Variants in PCSK9 observed in about 807,000 individuals in gnomAD.
PCSK9 encodes the protein convertase subtilisin/kexin type 9 preproprotein.
A neutral mutation model predicts 62.1 loss-of-function variants in PCSK9; 57 were observed. The ratio of observed to expected loss-of-function variants is 0.92; its 90% CI spans 0.74 to 1.14. The LOEUF (loss-of-function observed/expected upper bound fraction) is 1.14, where lower values mean the gene tolerates loss of function less well. PCSK9 is among the 50% of genes most tolerant of loss of function. The pLI, the probability that PCSK9 is intolerant of heterozygous loss-of-function variation, is 0.00. For missense variants in PCSK9, 870 were observed against 959.8 expected (o/e 0.91, Z 1.24); for synonymous variants, 387 against 409.4 (o/e 0.95, Z 0.66).
chr1:55,057,625 G>A, intron 7 of PCSK9, 111 bp downstream of exon 7: 1 of 1,311,114 alleles, frequency 7.6e-7, no homozygotes, highest in Non-Finnish European at 1.1e-6. Context: ...GACCAGAGAT[G>A]AAGTAGGCCT....
At position 55,040,038 on chromosome 1, in the gene PCSK9, C is replaced by G; in HGVS notation, c.201C>G (p.Cys67Trp). ...EHGTTATFHR[C>W]AKDPWRLPGT... The stretch of plus-strand genomic sequence containing the variant: ...GAACCACAGCCACCTTCCACCGCTG[C>G]GCCAAGGTGCGGGTGTAGGGATGGG... The change falls in exon 1 of 12, where the codon TGC becomes TGG. Residue 67 changes from cysteine to tryptophan, a missense_variant. Cys to Trp is a radical substitution (Grantham distance 215). Transcript: ENST00000302118. This position sits in a 1 kb window ranked among gnomAD's most constrained non-coding sequence, Gnocchi z 4.1. 6.4e-7 allele frequency: 1 copy of G among 1,564,346 alleles called. No homozygotes were observed. Among genetic ancestry groups the G allele is most frequent in the South Asian group, 1.2e-5 (1 of 84,942 alleles).
intron 3 of PCSK9, among the ~76,000 whole-genome samples, chr1:55,047,508 G>T (rs1053968236): frequency 3.3e-5 from 5 of 152,180 alleles, no homozygotes; most frequent in Admixed American, 3.3e-4. Context: ...TGTCGTTCTT[G>T]TCTGTAAAAT....
chr1:55,056,472 C>T (rs1209573157), intron 6 of PCSK9, among the ~76,000 whole-genome samples: 1 of 152,150 alleles, frequency 6.6e-6, no homozygotes, highest in Non-Finnish European at 1.5e-5. Flanking sequence ...CCCCACACCC[C>T]GTCCTGGCCA....
Position 55,043,998 on chromosome 1 carries a change from CTTCCTGGT to C in PCSK9, c.364_371del (p.Phe122GlufsTer46). On this transcript the variant is annotated frameshift_variant, in exon 2 of 12. Transcript: ENST00000302118. LOFTEE classifies it high-confidence loss of function. The stretch of plus-strand genomic sequence containing the variant: ...ATGTCTTCCATGGCCTTCTTCCTGG[CTTCCTGGT>C]GAAGATGAGTGGCGACCTGCTGGAG... 6.2e-7 allele frequency: 1 copy of C among 1,614,230 alleles called. No homozygotes were observed. The highest frequency in any genetic ancestry group is 8.5e-7 in the Non-Finnish European group (1 of 1,180,044).
intron 3 of PCSK9, among the ~76,000 whole-genome samples, chr1:55,046,901 A>C (rs1644639169): frequency 6.7e-6 from 1 of 150,144 alleles, no homozygotes; most frequent in African/African-American, 2.5e-5. Context: ...TCCTTTTCTC[A>C]CCATTTGGAA....
In PCSK9 at chr1:55,039,583, C is replaced by T; in HGVS notation, c.-255C>T. 1.7e-6 allele frequency: 1 copy of T among 581,910 alleles called. No homozygotes were observed. Among genetic ancestry groups the T allele is most frequent in the African/African-American group, 1.9e-5 (1 of 52,994 alleles). 36.0% of individuals were successfully genotyped at this position (581,910 alleles called of 1,614,324 possible). ...AGGCGCTCATGGTTGCAGGCGGGCGCCGCCGTTCAGTTCAGGGTCTGAGCC... is the reference window on the plus strand; with the variant it reads ...AGGCGCTCATGGTTGCAGGCGGGCGTCGCCGTTCAGTTCAGGGTCTGAGCC... On this transcript the variant is annotated 5_prime_UTR_variant, in exon 1 of 12. Coordinates refer to ENST00000302118, the MANE Select transcript of PCSK9 (RefSeq NM_174936.4).
Position 55,063,509 on chromosome 1 carries a change from C to G in PCSK9, c.2004C>G (p.Ser668Arg). ...SRDVSTTGST[S>R]EGAVTAVAIC... ...ACGTCAGCACTACAGGCAGCACCAG[C>G]GAAGGGGCCGTGACAGCCGTTGCCA... is the stretch of plus-strand genomic sequence containing the variant. The change falls in exon 12 of 12, where the codon AGC becomes AGG. Residue 668 changes from serine (S) to arginine (R), a missense_variant. By Grantham distance (110) the Ser-to-Arg change is moderately radical. Coordinates refer to ENST00000302118, the MANE Select transcript of PCSK9 (RefSeq NM_174936.4). 1 of 1,613,930 alleles carries G rather than the reference C, an allele frequency of 6.2e-7. No individual in the cohort carries two copies. The highest frequency in any genetic ancestry group is 1.1e-5 in the South Asian group (1 of 91,068).
Position 55,052,746 on chromosome 1 carries a change from G to C in PCSK9, c.754G>C (p.Val252Leu), listed in dbSNP as rs149139428. ...GGGTGCCAGCATGCGCAGCCTGCGC[G>C]TGCTCAACTGCCAAGGGAAGGGCAC... ...AKGASMRSLR[V>L]LNCQGKGTVS... Residue 252 changes from valine to leucine, a missense_variant, in exon 5 of 12, where the codon GTG becomes CTG. Physicochemically the swap from Val to Leu is conservative, Grantham distance 32. Coordinates refer to ENST00000302118, the MANE Select transcript of PCSK9 (RefSeq NM_174936.4). 1 of 1,613,198 alleles carries C rather than the reference G, an allele frequency of 6.2e-7. No individual in the cohort carries two copies. Among genetic ancestry groups the C allele is most frequent in the Admixed American group, 1.7e-5 (1 of 60,026 alleles).
At position 55,040,006 on chromosome 1, in the gene PCSK9, G is replaced by A. The variant is rs145886902; in HGVS notation, c.169G>A (p.Glu57Lys). Residue 57 changes from glutamate to lysine, a missense_variant, in exon 1 of 12, where the codon GAG (glutamate) becomes AAG (lysine). Glu to Lys is a moderately conservative substitution (Grantham distance 56). Transcript: ENST00000302118. The surrounding 1 kb of genome is among the most constrained non-coding windows in gnomAD (Gnocchi z 4.1). ...SEEDGLAEAP[E>K]HGTTATFHRC... ...GGAGGACGGCCTGGCCGAAGCACCC[G>A]AGCACGGAACCACAGCCACCTTCCA... 1.3e-4 allele frequency: 211 copies of A among 1,577,326 alleles called. 1 individual carries two copies. In the African/African-American group the frequency reaches 2.3e-3, roughly 17 times the overall value.
intron 2 of PCSK9, among the ~76,000 whole-genome samples, chr1:55,046,292 C>T (rs72646504): frequency 1.3e-4 from 20 of 152,340 alleles, no homozygotes; most frequent in Non-Finnish European, 2.8e-4. Flanking sequence ...AAGGAATCCT[C>T]TATGCCAGAC....
In PCSK9 at chr1:55,058,224, A is replaced by G; in HGVS notation, c.1354+15A>G. 6.2e-7 allele frequency: 1 copy of G among 1,609,392 alleles called. No homozygotes were observed. ...CCATGGGGCAGGTAAGCAGGATGGC[A>G]GGGTGGGCAAGTCCAGGCTGGGGCT... On this transcript the variant is annotated intron_variant, in intron 8 of 11. Coordinates refer to ENST00000302118, the MANE Select transcript of PCSK9 (RefSeq NM_174936.4).
chr1:55,056,034 G>C lies in PCSK9; in HGVS notation c.841G>C (p.Gly281Arg). The C allele has an allele frequency of 6.2e-7, 1 of 1,610,096 alleles. No homozygotes were observed. The highest frequency in any genetic ancestry group is 8.5e-7 in the Non-Finnish European group (1 of 1,177,488). The change falls in exon 6 of 12, where the codon GGG becomes CGG. Residue 281 changes from glycine (G) to arginine (R), a missense_variant. By Grantham distance (125) the Gly-to-Arg change is moderately radical (BLOSUM62 -2). Transcript: ENST00000302118. Reference sequence around the variant, plus strand: ...GAAAAGCCAGCTGGTCCAGCCTGTGGGGCCACTGGTGGTGCTGCTGCCCCT... The same window carrying C: ...GAAAAGCCAGCTGGTCCAGCCTGTGCGGCCACTGGTGGTGCTGCTGCCCCT... The part of the protein sequence containing the change: ...IRKSQLVQPV[G>R]PLVVLLPLAG...
chr1:55,039,741 C>T lies in PCSK9; in HGVS notation c.-97C>T, dbSNP rs950295249. On this transcript the variant is annotated 5_prime_UTR_variant, in exon 1 of 12. Transcript: ENST00000302118. ...CTGCTCCTGAACTTCAGCTCCTGCA[C>T]AGTCCTCCCCACCGCAAGGCTCAAG... is the stretch of plus-strand genomic sequence containing the variant. 2.1e-6 allele frequency: 3 copies of T among 1,404,314 alleles called. No homozygotes were observed. Among genetic ancestry groups the T allele is most frequent in the African/African-American group, 1.4e-5 (1 of 70,408 alleles). The allele number at this position is 1,404,314 out of a possible 1,614,324, so 87.0% of individuals were successfully genotyped here.
At chr1:55,052,248 C>G in intron 3 of PCSK9, 30 bp from the exon 4 acceptor site, 1 of 1,613,824 alleles carries the variant, frequency 6.2e-7, no homozygotes, top group Non-Finnish European at 8.5e-7. Context: ...TGCTCATTCC[C>G]TCCTCTCCCA....
intron 5 of PCSK9, among the ~76,000 whole-genome samples, chr1:55,054,787 T>G (rs1195536033): frequency 6.6e-6 from 1 of 152,106 alleles, no homozygotes. Flanking sequence ...GGGAGGATCA[T>G]GAGGTCAGGA....
Position 55,046,666 on chromosome 1 carries a change from C to G in PCSK9, c.523+20C>G. 1 of 1,612,886 alleles carries G rather than the reference C, an allele frequency of 6.2e-7. No homozygotes were observed. Among genetic ancestry groups the G allele is most frequent in the Non-Finnish European group, 8.5e-7 (1 of 1,179,576 alleles). On this transcript the variant is annotated intron_variant, in intron 3 of 11. Coordinates refer to ENST00000302118, the MANE Select transcript of PCSK9 (RefSeq NM_174936.4). ...CCCCCGGTAAGACCCCCATCTGTGC[C>G]CTGCCCCACCCCATCTGAGCTGAAT... is the stretch of plus-strand genomic sequence containing the variant.
chr1:55,050,805 A>G, intron 3 of PCSK9: 1 of 283,766 alleles, frequency 3.5e-6, no homozygotes, highest in Admixed American at 5.1e-5. Context: ...GCCCCCACAG[A>G]TACACACACC....
intron 1 of PCSK9, among the ~76,000 whole-genome samples, chr1:55,042,369 A>AT (rs1644603585): frequency 6.6e-6 from 1 of 152,188 alleles, no homozygotes; most frequent in African/African-American, 2.4e-5. Flanking sequence ...ACATGAGATT[A>AT]TTTTTAATTT....
Position 55,057,403 on chromosome 1 carries a change from C to A in PCSK9, c.1069C>A (p.Arg357Ser). The change falls in exon 7 of 12, where the codon CGC (arginine) becomes AGC (serine). Residue 357 changes from arginine to serine, a missense_variant. By Grantham distance (110) the Arg-to-Ser change is moderately radical (BLOSUM62 -1). Coordinates refer to ENST00000302118, the MANE Select transcript of PCSK9 (RefSeq NM_174936.4). The part of the protein sequence containing the change: ...TLGTLGTNFG[R>S]CVDLFAPGED... Reference sequence around the variant, plus strand: ...GGGGACTTTGGGGACCAACTTTGGCCGCTGTGTGGACCTCTTTGCCCCAGG... The same window carrying A: ...GGGGACTTTGGGGACCAACTTTGGCAGCTGTGTGGACCTCTTTGCCCCAGG... The A allele has an allele frequency of 3.1e-6, 5 of 1,614,142 alleles. No homozygotes were observed. Among genetic ancestry groups the A allele is most frequent in the Non-Finnish European group, 4.2e-6 (5 of 1,180,028 alleles).
Sources: gnomAD v4.1 joint callset for allele counts (sites outside exome capture counted in the v4.1 genomes callset) on GRCh38, gnomAD v4.1.1 for gene constraint, Gnocchi (gnomAD v3.1) non-coding constraint, MANE v1.5 for transcripts, NCBI Gene and HGNC (gene_info 2026-07-23, HGNC 2026-07-21) for gene names.